DAPK2: variants seen among roughly 807,000 people sequenced by gnomAD.
The protein encoded by DAPK2 is death associated protein kinase 2, also known as death-associated protein kinase 2.
A neutral mutation model predicts 44.1 loss-of-function variants in DAPK2; 35 were observed. The ratio of observed to expected loss-of-function variants is 0.79; its 90% CI spans 0.61 to 1.05. DAPK2 has a LOEUF of 1.05. DAPK2 is among the 50% of genes least tolerant of loss of function. DAPK2 has a pLI of 0.00. For synonymous variants in DAPK2, 174 were observed against 182.6 expected (o/e 0.95, Z 0.38); for missense variants, 453 against 483.2 (o/e 0.94, Z 0.59).
In DAPK2 at chr15:63,912,747, G is replaced by A. The variant is rs556742843; in HGVS notation, c.859-550C>T. Among the ~76,000 whole-genome samples the A allele has an allele frequency of 1.1e-4, 16 of 152,200 alleles. No homozygotes were observed. The highest frequency in any genetic ancestry group is 2.1e-4 in the Non-Finnish European group (14 of 68,040). On this transcript the variant is annotated intron_variant, in intron 8 of 10. Transcript: ENST00000261891. The surrounding 1 kb of genome is among the most constrained non-coding windows in gnomAD (Gnocchi z 4.4). ...CCAAGAAGCTTGGGATGGCTTCTCTGAGCCTCAGTTTCCCCATCTGTAATA... is the reference window on the plus strand; with the variant it reads ...CCAAGAAGCTTGGGATGGCTTCTCTAAGCCTCAGTTTCCCCATCTGTAATA...
At chr15:63,964,637 T>C (rs975338875) in intron 3 of DAPK2, among the ~76,000 whole-genome samples, 1 of 152,104 alleles carries the variant, frequency 6.6e-6, no homozygotes. Context: ...CTTCATTCTT[T>C]TTTTTTCTTT....
chr15:63,925,751 C>A (rs2079238013), intron 7 of DAPK2, among the ~76,000 whole-genome samples, 190 bp downstream of exon 8: 1 of 151,088 alleles, frequency 6.6e-6, no homozygotes, highest in Non-Finnish European at 1.5e-5. Flanking sequence ...GAGAAGAAAG[C>A]AGAAAGACTT....
chr15:64,040,030 G>A (rs2080311349), intron 1 of DAPK2, 140 bp downstream of exon 2: 4 of 648,852 alleles, frequency 6.2e-6, no homozygotes, highest in Non-Finnish European at 1.1e-5. Flanking sequence ...CACCCAGGCA[G>A]GTGAATAATC....
At chr15:63,973,677 T>C (rs563579391) in intron 2 of DAPK2, among the ~76,000 whole-genome samples, 1 of 152,206 alleles carries the variant, frequency 6.6e-6, no homozygotes, top group East Asian at 1.9e-4. Context: ...CTGGAATTAA[T>C]TAAGAGTTTT....
At chr15:63,998,045 T>G (rs2078994397) in intron 1 of DAPK2, among the ~76,000 whole-genome samples, 1 of 152,220 alleles carries the variant, frequency 6.6e-6, no homozygotes, top group African/African-American at 2.4e-5. Context: ...GAAATGAAAG[T>G]AATACACTTA....
upstream of DAPK2, among the ~76,000 whole-genome samples, chr15:64,043,944 G>A (rs567502874): frequency 6.6e-5 from 10 of 152,240 alleles, no homozygotes; most frequent in South Asian, 4.1e-4. Context: ...TCTCAAGGCC[G>A]CTACTCAGAT....
At chr15:64,001,625 G>A (rs1385739599) in intron 1 of DAPK2, among the ~76,000 whole-genome samples, 1 of 152,138 alleles carries the variant, frequency 6.6e-6, no homozygotes, top group African/African-American at 2.4e-5. Flanking sequence ...GCCCCGGGCT[G>A]TACTTCCCCT....
chr15:63,985,912 G>A (rs778746270), intron 1 of DAPK2, among the ~76,000 whole-genome samples: 6 of 152,208 alleles, frequency 3.9e-5, no homozygotes, highest in Non-Finnish European at 8.8e-5. Flanking sequence ...TTCTCTTTGC[G>A]AGACAGCTGT....
chr15:63,930,504 A>G (rs755258938), intron 4 of DAPK2, 49 bp from the exon 6 acceptor site: 15 of 1,586,542 alleles, frequency 9.5e-6, no homozygotes. Context: ...AAATGAGAGG[A>G]GAGATGGTTT....
chr15:64,019,457 G>C (rs1035391023), intron 1 of DAPK2, among the ~76,000 whole-genome samples: 1 of 152,198 alleles, frequency 6.6e-6, no homozygotes, highest in East Asian at 1.9e-4. Context: ...AAACACAAAG[G>C]TCTAAGGTAC....
chr15:63,984,770 G>C (rs2078625128), intron 1 of DAPK2, among the ~76,000 whole-genome samples: 1 of 152,180 alleles, frequency 6.6e-6, no homozygotes, highest in Non-Finnish European at 1.5e-5. Context: ...CCAGACTTAA[G>C]AGGTACACTC....
intron 6 of DAPK2, among the ~76,000 whole-genome samples, chr15:63,928,992 G>C (rs1185083973): frequency 6.6e-6 from 1 of 152,174 alleles, no homozygotes; most frequent in Non-Finnish European, 1.5e-5. Context: ...CACGAGGTTA[G>C]GAGTTCAAGA....
intron 3 of DAPK2, among the ~76,000 whole-genome samples, chr15:63,965,253 T>A (rs1480429008): frequency 1.3e-5 from 2 of 152,128 alleles, no homozygotes; most frequent in South Asian, 2.1e-4. Flanking sequence ...TCCAGAAAAA[T>A]TATCTGGTTT....
intron 1 of DAPK2, among the ~76,000 whole-genome samples, chr15:64,017,764 T>G (rs1469397759): frequency 6.6e-6 from 1 of 152,174 alleles, no homozygotes; most frequent in Non-Finnish European, 1.5e-5. Context: ...AACTGTACAG[T>G]TCTGTACAAA....
chr15:63,989,694 CAT>C (rs1254575827), intron 1 of DAPK2, among the ~76,000 whole-genome samples: 2 of 152,152 alleles, frequency 1.3e-5, no homozygotes, highest in South Asian at 4.1e-4. Flanking sequence ...TACACACACA[CAT>C]ACATACACAC....
chr15:63,934,172 A>G (rs933378561), intron 4 of DAPK2, among the ~76,000 whole-genome samples: 2 of 151,776 alleles, frequency 1.3e-5, no homozygotes, highest in Non-Finnish European at 2.9e-5. Flanking sequence ...TGCTCCTCGA[A>G]CAACCTAAAA....
intron 1 of DAPK2, among the ~76,000 whole-genome samples, chr15:64,036,328 T>TATATATATATAC (rs1555484574): frequency 5.7e-5 from 7 of 123,362 alleles, no homozygotes; most frequent in African/African-American, 8.1e-5. Context: ...TGTATATATA[T>TATATATATATAC]ATATATATAC....
At chr15:64,032,861 G>A (rs186121249) in intron 1 of DAPK2, among the ~76,000 whole-genome samples, 1 of 151,920 alleles carries the variant, frequency 6.6e-6, no homozygotes, top group East Asian at 1.9e-4. Flanking sequence ...TGAGGTGGGT[G>A]GATCACCTGA....
chr15:63,952,946 C>A (rs2077631806), intron 3 of DAPK2, among the ~76,000 whole-genome samples: 1 of 151,826 alleles, frequency 6.6e-6, no homozygotes, highest in African/African-American at 2.4e-5. Context: ...TTCCCCCCAC[C>A]CCTGGCCTGG....
Sources: allele counts gnomAD v4.1 joint callset (sites outside exome capture counted in the v4.1 genomes callset), GRCh38; gene constraint gnomAD v4.1.1; non-coding constraint Gnocchi (gnomAD v3.1); transcripts MANE v1.5; gene names NCBI Gene and HGNC (gene_info 2026-07-23, HGNC 2026-07-21).